The following SMG1 variants were observed in gnomAD, a reference collection of about 807,000 sequenced individuals.
The protein encoded by SMG1 is SMG1 nonsense mediated mRNA decay associated PI3K related kinase, also known as serine/threonine-protein kinase SMG1.
SMG1 carries 22 observed loss-of-function variants against 419.9 expected under a neutral mutation model. The ratio of observed to expected loss-of-function variants is 0.05; its 90% confidence interval spans 0.04 to 0.07. The LOEUF (loss-of-function observed/expected upper bound fraction) is 0.07. Ranked by LOEUF, SMG1 falls within the 10% of genes least tolerant of loss-of-function variation. The pLI, the probability that SMG1 is intolerant of heterozygous loss-of-function variation, is 1.00. For missense variants in SMG1, 3,185 were observed against 4,342.0 expected (o/e 0.73, Z 7.49); for synonymous variants, 1,538 against 1,553.5 (o/e 0.99, Z 0.23).
intron 6 of SMG1, among the ~76,000 whole-genome samples, chr16:18,887,516 C>CTTTTTTTTTTT (rs574179061): frequency 2.1e-4 from 23 of 110,084 alleles, no homozygotes; most frequent in Non-Finnish European, 3.3e-4. Context: ...TTTTTTTTTC[C>CTTTTTTTTTTT]TTTTTTTTTT....
At chr16:18,849,173 A>G (rs1230760012) in intron 36 of SMG1, 44 bp downstream of exon 36, 1 of 1,372,696 alleles carries the variant, frequency 7.3e-7, no homozygotes, top group Admixed American at 2.3e-5. Flanking sequence ...AATTATTGGC[A>G]CAGTCATTTA....
chr16:18,830,531 G>A (rs2055894658), intron 51 of SMG1, among the ~76,000 whole-genome samples, 162 bp from the exon 52 acceptor site: 1 of 152,298 alleles, frequency 6.6e-6, no homozygotes, highest in Non-Finnish European at 1.5e-5. Context: ...GCTCACGCCT[G>A]TAATCCAGCA....
rs758763738 is a variant in SMG1, at chr16:18,852,171, T to C, written c.4948A>G (p.Lys1650Glu). 5.0e-6 allele frequency: 8 copies of C among 1,613,752 alleles called. No homozygotes were observed. Among genetic ancestry groups the C allele is most frequent in the Admixed American group, 3.3e-5 (2 of 59,976 alleles). Residue 1650 changes from lysine (K) to glutamate (E), a missense_variant, in exon 33 of 63, where the codon AAA becomes GAA. Around this residue, in one of 27 missense-constraint regions of SMG1, gnomAD observed 493 missense variants for 552.9 expected, o/e 0.89. Coordinates refer to ENST00000446231, the MANE Select transcript of SMG1 (RefSeq NM_015092.5). ...GGAAGTAGATTCTGAACTTCAGATT[T>C]TTCTCTAGGCAGCAGACGAACACCT... is the stretch of plus-strand genomic sequence containing the variant. ...GEGVRLLPRE[K>E]SEVQNLLPDT...
intron 29 of SMG1, chr16:18,857,804 G>T (rs1362473963): frequency 6.1e-6 from 1 of 163,404 alleles, no homozygotes; most frequent in East Asian, 1.8e-4. Flanking sequence ...AAAAAGGATT[G>T]TATTCCTGAT....
chr16:18,925,981 A>G lies in SMG1; in HGVS notation c.61T>C (p.Tyr21His). The change falls in exon 1 of 63, where the codon TAT becomes CAT. Residue 21 changes from tyrosine (Y) to histidine (H), a missense_variant. Tyr to His is a moderately conservative substitution (Grantham distance 83). Transcript: ENST00000446231. The part of the protein sequence containing the change: ...SSGGGGGGTK[Y>H]PRSWNDWQPR... ...TGCCAGTCATTCCAGCTCCGCGGAT[A>G]CTTGGTGCCGCCGCCGCCGCCGCCG... 5.1e-6 allele frequency: 8 copies of G among 1,576,694 alleles called. No individual in the cohort carries two copies. Among genetic ancestry groups the G allele is most frequent in the Non-Finnish European group, 6.9e-6 (8 of 1,167,758 alleles).
At chr16:18,852,252 C>T in intron 32 of SMG1, 47 bp from the exon 33 acceptor site, 2 of 1,605,268 alleles carry the variant, frequency 1.2e-6, no homozygotes, top group Non-Finnish European at 1.7e-6. Flanking sequence ...CCAAACTTTA[C>T]CATATCAGCA....
At position 18,849,362 on chromosome 16, in the gene SMG1, A is replaced by G. The variant is rs2034463147; in HGVS notation, c.5478T>C (p.Leu1826=). ...CTTCAGGGTGGTTTAAGCGTGAGAA[A>G]AGTTGCGGAATAATTCCTTCAGGAC... ...TAPWRGIIPQ[L]FSRLNHPEVY... The change falls in exon 36 of 63, where the codon CTT becomes CTC. Residue 1826 remains leucine, a synonymous_variant. Transcript: ENST00000446231. 1.2e-6 allele frequency: 2 copies of G among 1,611,332 alleles called. No individual in the cohort carries two copies. The highest frequency in any genetic ancestry group is 2.2e-5 in the South Asian group (2 of 90,912).
chr16:18,909,131 T>A (rs2037695913), intron 1 of SMG1, among the ~76,000 whole-genome samples: 1 of 151,844 alleles, frequency 6.6e-6, no homozygotes, highest in Non-Finnish European at 1.5e-5. Context: ...TCACTTGACA[T>A]CAAGAGTTCA....
Position 18,807,337 on chromosome 16 carries a change from G to A in SMG1, c.*2232C>T, listed in dbSNP as rs1228025919. The stretch of plus-strand genomic sequence containing the variant: ...TTAATCTTGAGAGAGCAGAGGTAAT[G>A]TGATGAATGTAATTTGCTCCCAGAG... On this transcript the variant is annotated 3_prime_UTR_variant, in exon 63 of 63. Coordinates refer to ENST00000446231, the MANE Select transcript of SMG1 (RefSeq NM_015092.5). The A allele has an allele frequency of 6.6e-6, 1 of 152,166 alleles. No individual in the cohort carries two copies. The highest frequency in any genetic ancestry group is 1.5e-5 in the Non-Finnish European group (1 of 68,022). The allele number at this position is 152,166 out of a possible 1,614,324, so 9.4% of individuals were successfully genotyped here. A position where few individuals can be genotyped will look rare whatever the true frequency, so the allele number is the denominator to read the frequency against.
At chr16:18,909,163 A>G (rs2141950500) in intron 1 of SMG1, among the ~76,000 whole-genome samples, 1 of 150,476 alleles carries the variant, frequency 6.6e-6, no homozygotes, top group South Asian at 2.1e-4. Flanking sequence ...GCCAACATGG[A>G]GAAATCCTGT....
At chr16:18,811,606 G>A (rs1219999784) in intron 62 of SMG1, among the ~76,000 whole-genome samples, 155 bp downstream of exon 62, 1 of 152,164 alleles carries the variant, frequency 6.6e-6, no homozygotes, top group Non-Finnish European at 1.5e-5. Context: ...ACTACTTGAC[G>A]ACGCCAGAGC....
chr16:18,887,691 A>AG (rs1285653685), intron 6 of SMG1, among the ~76,000 whole-genome samples: 7 of 123,224 alleles, frequency 5.7e-5, no homozygotes, highest in African/African-American at 1.7e-4. Flanking sequence ...AAAAAAAAAA[A>AG]AAAGAACATT....
intron 59 of SMG1, 27 bp downstream of exon 59, chr16:18,815,413 T>C: frequency 6.2e-7 from 1 of 1,610,570 alleles, no homozygotes; most frequent in Non-Finnish European, 8.5e-7. Context: ...TTATGTTTTA[T>C]AAATTCTGAC....
intron 42 of SMG1, 110 bp downstream of exon 42, chr16:18,839,588 A>T: frequency 7.1e-7 from 1 of 1,400,676 alleles, no homozygotes; most frequent in Non-Finnish European, 9.8e-7. Flanking sequence ...TCAAACTACC[A>T]AGTCTGGAGG....
rs1320124230 is a variant in SMG1, at chr16:18,828,061, G to T, written c.9711C>A (p.Ser3237Arg). 6.2e-7 allele frequency: 1 copy of T among 1,612,970 alleles called. No homozygotes were observed. Among genetic ancestry groups the T allele is most frequent in the East Asian group, 2.2e-5 (1 of 44,876 alleles). The part of the protein sequence containing the change: ...TSMKKKLHTL[S>R]QIETSIATVQ... The stretch of plus-strand genomic sequence containing the variant: ...CTGTTGCAATAGAAGTTTCAATCTG[G>T]CTCAGGGTATGCAGCTTCTTTTTCA... Residue 3237 changes from serine to arginine, a missense_variant, in exon 55 of 63, where the codon AGC becomes AGA. By Grantham distance (110) the Ser-to-Arg change is moderately radical. Transcript: ENST00000446231.
rs370747335 is a variant in SMG1, at chr16:18,807,609, G to A, written c.*1960C>T. On this transcript the variant is annotated 3_prime_UTR_variant, in exon 63 of 63. Transcript: ENST00000446231. ...GGGTACTTAACGATTACAGATTAACGTGGCAATCAGAATACAAAAAAGGCC... is the reference window on the plus strand; with the variant it reads ...GGGTACTTAACGATTACAGATTAACATGGCAATCAGAATACAAAAAAGGCC... 4 of 152,064 alleles carry A rather than the reference G, an allele frequency of 2.6e-5. No individual in the cohort carries two copies. The highest frequency in any genetic ancestry group is 7.2e-5 in the African/African-American group (3 of 41,400). 9.4% of individuals were successfully genotyped at this position (152,064 alleles called of 1,614,324 possible). A position where few individuals can be genotyped will look rare whatever the true frequency, so the allele number is the denominator to read the frequency against.
In SMG1 at chr16:18,829,742, A is replaced by G. The variant is rs770370858; in HGVS notation, c.9147T>C (p.Leu3049=). ...GCCCATTCACAGTATTCTGATCTTC[A>G]AGTGAACTTGATCCTACAAAAAGGA... ...FSKTLSGSSS[L]EDQNTVNGPV... Residue 3049 remains leucine, a synonymous_variant, in exon 54 of 63, where the codon CTT becomes CTC. Transcript: ENST00000446231. 6.3e-7 allele frequency: 1 copy of G among 1,598,446 alleles called. No individual in the cohort carries two copies. Among genetic ancestry groups the G allele is most frequent in the East Asian group, 2.2e-5 (1 of 44,528 alleles).
intron 1 of SMG1, among the ~76,000 whole-genome samples, chr16:18,924,541 TAA>T (rs1039007173): frequency 3.9e-5 from 6 of 152,174 alleles, no homozygotes; most frequent in Non-Finnish European, 5.9e-5. Flanking sequence ...CACATTTCAA[TAA>T]AAAGGCAAAA....
chr16:18,863,962 A>C (rs2035349555), intron 24 of SMG1, 40 bp downstream of exon 24: 1 of 1,551,394 alleles, frequency 6.4e-7, no homozygotes, highest in Non-Finnish European at 8.7e-7. Context: ...GAAATATATT[A>C]CTATAACTTT....
Sources: gnomAD v4.1 joint callset for allele counts (sites outside exome capture counted in the v4.1 genomes callset) on GRCh38, gnomAD v4.1.1 for gene constraint, gnomAD v4.1.1 regional missense constraint, MANE v1.5 for transcripts, NCBI Gene and HGNC (gene_info 2026-07-23, HGNC 2026-07-21) for gene names.